The following MFSD11 variants were observed in gnomAD, a reference collection of about 807,000 sequenced individuals.
The protein encoded by MFSD11 is major facilitator superfamily domain containing 11, also known as UNC93-like protein MFSD11.
In MFSD11, 36 loss-of-function variants were observed where a neutral mutation model predicts 53.5. That is an observed-to-expected ratio of 0.67 (90% CI 0.52 to 0.89). MFSD11 has a LOEUF of 0.89. Among genes scored for constraint, MFSD11 ranks in the 40% least tolerant of loss-of-function variants. The pLI, the probability that MFSD11 is intolerant of heterozygous loss-of-function variation, is 0.00. For synonymous variants in MFSD11, 186 were observed against 184.9 expected, an observed-to-expected ratio of 1.01 and a Z score of -0.05; for missense variants, 530 against 543.9, an observed-to-expected ratio of 0.97 and a Z score of 0.25.
chr17:76,800,285 A>C, the MFSD11 span, among the ~76,000 whole-genome samples: 2 of 151,948 alleles, frequency 1.3e-5, no homozygotes, highest in Admixed American at 1.3e-4. Flanking sequence ...TTCTCTTTTT[A>C]CTAAGTATCT....
intron 7 of MFSD11, 141 bp from the exon 8 acceptor site, chr17:76,753,906 A>G (rs1223748508): frequency 6.4e-6 from 4 of 629,054 alleles, no homozygotes; most frequent in Non-Finnish European, 1.1e-5. Context: ...CCCTGAGGCA[A>G]GGAGCATTCG....
chr17:76,797,908 G>A, the MFSD11 span, among the ~76,000 whole-genome samples: 4 of 150,536 alleles, frequency 2.7e-5, no homozygotes, highest in Non-Finnish European at 4.4e-5. Flanking sequence ...TTTTGAAACA[G>A]GGTCTCACTT....
intron 10 of MFSD11, among the ~76,000 whole-genome samples, chr17:76,771,363 C>T (rs1350998615): frequency 6.6e-6 from 1 of 152,208 alleles, no homozygotes; most frequent in Non-Finnish European, 1.5e-5. Flanking sequence ...TTATTATGCT[C>T]CACGAGTTAT....
chr17:76,756,594 C>T (rs2079655182), intron 8 of MFSD11, among the ~76,000 whole-genome samples: 1 of 152,136 alleles, frequency 6.6e-6, no homozygotes, highest in South Asian at 2.1e-4. Flanking sequence ...GGTGCAGTGG[C>T]TCATGCCTAT....
At chr17:76,758,843 T>TA (rs1001818689) in intron 8 of MFSD11, among the ~76,000 whole-genome samples, 2 of 152,086 alleles carry the variant, frequency 1.3e-5, no homozygotes, top group Admixed American at 6.6e-5. Context: ...CACACACCCC[T>TA]ACCCCCCACA....
intron 8 of MFSD11, among the ~76,000 whole-genome samples, chr17:76,758,732 A>T (rs976838303): frequency 1.3e-5 from 2 of 152,160 alleles, no homozygotes; most frequent in Non-Finnish European, 2.9e-5. Flanking sequence ...GAAAAGTATA[A>T]ACACTCCAGT....
chr17:76,781,060 T>G (rs747797929), downstream of MFSD11: 13 of 152,206 alleles, frequency 8.5e-5, no homozygotes, highest in Non-Finnish European at 1.9e-4. Context: ...GTCGGGAATC[T>G]GCGCATGGCT....
chr17:76,779,523 C>T (rs772778679), downstream of MFSD11, among the ~76,000 whole-genome samples: 31 of 152,106 alleles, frequency 2.0e-4, no homozygotes, highest in Non-Finnish European at 3.4e-4. Context: ...CTCACTCTGT[C>T]GCCTAGGCTA....
intron 8 of MFSD11, among the ~76,000 whole-genome samples, chr17:76,759,940 A>C (rs1419780554): frequency 6.6e-6 from 1 of 151,642 alleles, no homozygotes; most frequent in East Asian, 1.9e-4. Context: ...GTAGACTTAT[A>C]ATAAAGTCAG....
chr17:76,775,247 C>T (rs2081714404), intron 11 of MFSD11, 76 bp downstream of exon 11: 2 of 1,366,916 alleles, frequency 1.5e-6, no homozygotes, highest in East Asian at 4.6e-5. Flanking sequence ...GAAAGTGGAG[C>T]AGTTAATCCT....
intron 8 of MFSD11, among the ~76,000 whole-genome samples, chr17:76,756,770 G>C (rs1031111019): frequency 3.3e-5 from 5 of 151,700 alleles, no homozygotes; most frequent in African/African-American, 1.2e-4. Flanking sequence ...TGAGGCTGGA[G>C]AATTGCTTGA....
At chr17:76,749,872 AGAGT>A (rs2078898416) in intron 7 of MFSD11, among the ~76,000 whole-genome samples, 1 of 148,974 alleles carries the variant, frequency 6.7e-6, no homozygotes, top group African/African-American at 2.5e-5. Context: ...CCTGGGCGAT[AGAGT>A]GAGACTCCTT....
chr17:76,754,475 G>A (rs1484751808), intron 8 of MFSD11, among the ~76,000 whole-genome samples: 1 of 152,064 alleles, frequency 6.6e-6, no homozygotes, highest in African/African-American at 2.4e-5. Flanking sequence ...CTGAGGTCGG[G>A]AGTTCAAGAC....
At chr17:76,800,951 C>T in the MFSD11 span, among the ~76,000 whole-genome samples, 1 of 151,902 alleles carries the variant, frequency 6.6e-6, no homozygotes, top group Non-Finnish European at 1.5e-5. Flanking sequence ...GCAGCACGTG[C>T]CTGTGATCCC....
Position 76,778,289 on chromosome 17 carries a change from C to T in MFSD11, c.1287C>T (p.Phe429=). ...TTGGGTTTTTTGGAACAATTTCTTT[C>T]TTCACTGTGGAATGGGAAGCTGCCG... The part of the protein sequence containing the change: ...VIFGFFGTIS[F]FTVEWEAAAF... The change falls in exon 13 of 13, where the codon TTC becomes TTT. Residue 429 remains phenylalanine, a synonymous_variant. Coordinates refer to ENST00000685175, the MANE Select transcript of MFSD11 (RefSeq NM_001242532.5). 2.5e-6 allele frequency: 4 copies of T among 1,614,168 alleles called. No individual in the cohort carries two copies. Among genetic ancestry groups the T allele is most frequent in the Non-Finnish European group, 3.4e-6 (4 of 1,180,036 alleles).
intron 8 of MFSD11, among the ~76,000 whole-genome samples, chr17:76,762,118 A>G (rs2144658131): frequency 6.6e-6 from 1 of 152,174 alleles, no homozygotes; most frequent in East Asian, 1.9e-4. Flanking sequence ...AGGCACTCCC[A>G]ACTTTCTCCC....
At chr17:76,759,368 C>T (rs956738636) in intron 8 of MFSD11, among the ~76,000 whole-genome samples, 17 of 152,168 alleles carry the variant, frequency 1.1e-4, no homozygotes, top group East Asian at 1.9e-4. Flanking sequence ...CTACAATCTC[C>T]GCCTCCTGGG....
At chr17:76,762,148 C>T (rs1442484103) in intron 8 of MFSD11, among the ~76,000 whole-genome samples, 1 of 152,096 alleles carries the variant, frequency 6.6e-6, no homozygotes, top group Non-Finnish European at 1.5e-5. Flanking sequence ...CTATTGCACC[C>T]ATTCCTCTAC....
intron 7 of MFSD11, among the ~76,000 whole-genome samples, chr17:76,750,347 T>C (rs1021216238): frequency 6.6e-6 from 1 of 151,760 alleles, no homozygotes; most frequent in African/African-American, 2.4e-5. Flanking sequence ...AGCACACTAT[T>C]TTTTTGTGTG....
Sources: gnomAD v4.1 joint callset for allele counts (sites outside exome capture counted in the v4.1 genomes callset) on GRCh38, gnomAD v4.1.1 for gene constraint, MANE v1.5 for transcripts, NCBI Gene and HGNC (gene_info 2026-07-23, HGNC 2026-07-21) for gene names.